The following CFAP46 variants were observed in gnomAD, a reference collection of about 807,000 sequenced individuals.
The protein encoded by CFAP46 is cilia and flagella associated protein 46, also known as cilia- and flagella-associated protein 46.
A neutral mutation model predicts 325.7 loss-of-function variants in CFAP46; 245 were observed. That is an observed-to-expected ratio of 0.75 (90% CI 0.68 to 0.84). The LOEUF (loss-of-function observed/expected upper bound fraction) is 0.84, where lower values mean the gene tolerates loss of function less well. Among genes scored for constraint, CFAP46 ranks in the 40% least tolerant of loss-of-function variants. The pLI is 0.00. For missense variants in CFAP46, 3,346 were observed against 3,543.0 expected (o/e 0.94, Z 1.41); for synonymous variants, 1,523 against 1,495.9 (o/e 1.02, Z -0.42).
In CFAP46 at chr10:132,869,545, A is replaced by T. The variant is rs887750982; in HGVS notation, c.4512-173T>A. Reference sequence around the variant, plus strand: ...AAATTACTAGGGAAAAGTGCCCGGTAGCTCCATCAAATTTCAAGTGGGATT... The same window carrying T: ...AAATTACTAGGGAAAAGTGCCCGGTTGCTCCATCAAATTTCAAGTGGGATT... On this transcript the variant is annotated intron_variant, in intron 32 of 57. Transcript: ENST00000368586. This position sits in a 1 kb window ranked among gnomAD's most constrained non-coding sequence, Gnocchi z 6.2. 6.6e-6 allele frequency among the ~76,000 whole-genome samples: 1 copy of T among 152,216 alleles called. No individual in the cohort carries two copies. The highest frequency in any genetic ancestry group is 2.4e-5 in the African/African-American group (1 of 41,462).
chr10:132,818,887 A>G (rs1847745296), intron 50 of CFAP46, among the ~76,000 whole-genome samples: 1 of 151,948 alleles, frequency 6.6e-6, no homozygotes, highest in South Asian at 2.1e-4. Context: ...AAGAAAGAAC[A>G]GGCACACACA....
At position 132,899,076 on chromosome 10, in the gene CFAP46, C is replaced by A; in HGVS notation, c.3102G>T (p.Ala1034=). ...AGSSALVMLA[A]RHYWNAWLPL... is the part of the protein sequence containing the mutation. ...GGAGCCAGGCGTTCCAGTAATGCCG[C>A]GCGGCCAGCATCACCAGGGCGCTGC... The change falls in exon 24 of 58, where the codon GCG becomes GCT. Residue 1034 remains alanine, a synonymous_variant. Coordinates refer to ENST00000368586, the MANE Select transcript of CFAP46 (RefSeq NM_001200049.3). 1 of 1,550,448 alleles carries A rather than the reference C, an allele frequency of 6.4e-7. No homozygotes were observed. Among genetic ancestry groups the A allele is most frequent in the Non-Finnish European group, 8.7e-7 (1 of 1,146,966 alleles).
At chr10:132,872,216 A>T (rs1848903492) in intron 32 of CFAP46, among the ~76,000 whole-genome samples, 1 of 152,212 alleles carries the variant, frequency 6.6e-6, no homozygotes, top group Non-Finnish European at 1.5e-5. Flanking sequence ...TATTCTCCTA[A>T]GGATCAGGTA....
At chr10:132,816,809 A>G (rs946269997) in intron 50 of CFAP46, among the ~76,000 whole-genome samples, 1 of 152,140 alleles carries the variant, frequency 6.6e-6, no homozygotes, top group Admixed American at 6.5e-5. Flanking sequence ...TTTAGAAGTG[A>G]GCTGTTGAAT....
intron 15 of CFAP46, 137 bp from the exon 16 acceptor site, chr10:132,918,657 CGGGAGGT>C (rs1248408928): frequency 1.7e-6 from 2 of 1,188,754 alleles, no homozygotes; most frequent in African/African-American, 3.1e-5. Flanking sequence ...GGCGGGTAGG[CGGGAGGT>C]GGGCAGCTTG....
chr10:132,918,493 G>A lies in CFAP46; in HGVS notation c.1886C>T (p.Ser629Leu), dbSNP rs1049269791. The part of the protein sequence containing the change: ...RGKKKRGRDG[S>L]VQDTWSQPEV... ...AGGCTGGCTCCAGGTGTCCTGCACC[G>A]AGCCGTCCCTACCTCGCTTCTTCTT... is the stretch of plus-strand genomic sequence containing the variant. Residue 629 changes from serine (S) to leucine (L), a missense_variant, in exon 16 of 58, where the codon TCG (serine) becomes TTG (leucine). By Grantham distance (145) the Ser-to-Leu change is moderately radical. Coordinates refer to ENST00000368586, the MANE Select transcript of CFAP46 (RefSeq NM_001200049.3). 18 of 1,533,728 alleles carry A rather than the reference G, an allele frequency of 1.2e-5. No individual in the cohort carries two copies. Among genetic ancestry groups the A allele is most frequent in the Middle Eastern group, 1.7e-4 (1 of 5,966 alleles).
At chr10:132,894,227 A>T (rs1293997158) in intron 24 of CFAP46, among the ~76,000 whole-genome samples, 1 of 152,274 alleles carries the variant, frequency 6.6e-6, no homozygotes, top group East Asian at 1.9e-4. Flanking sequence ...AAGTCACAAA[A>T]AGTCTGCAAC....
At position 132,827,034 on chromosome 10, in the gene CFAP46, C is replaced by A. The variant is rs1419747569; in HGVS notation, c.7117+6324G>T. ...CCATGGTGCACTTCACTATCAAAAA[C>A]GGTTTCCGACACCTCCATGAGCCTC... is the stretch of plus-strand genomic sequence containing the variant. On this transcript the variant is annotated intron_variant, in intron 50 of 57. Transcript: ENST00000368586. This position sits in a 1 kb window ranked among gnomAD's most constrained non-coding sequence, Gnocchi z 5.7. Among the ~76,000 whole-genome samples the A allele has an allele frequency of 6.6e-6, 1 of 152,138 alleles. No homozygotes were observed. Among genetic ancestry groups the A allele is most frequent in the African/African-American group, 2.4e-5 (1 of 41,418 alleles).
At chr10:132,937,220 T>G in intron 6 of CFAP46, 165 bp from the exon 7 acceptor site, 1 of 522,260 alleles carries the variant, frequency 1.9e-6, no homozygotes, top group Non-Finnish European at 3.3e-6. Context: ...GAATGAATGC[T>G]TTTGGTACAT....
chr10:132,906,188 G>A (rs1225879381), intron 22 of CFAP46, among the ~76,000 whole-genome samples: 2 of 152,252 alleles, frequency 1.3e-5, no homozygotes, highest in South Asian at 2.1e-4. Flanking sequence ...CCTTGTGAAC[G>A]TGGGGCACCA....
chr10:132,900,350 C>T (rs957869597), intron 22 of CFAP46, among the ~76,000 whole-genome samples: 2 of 152,358 alleles, frequency 1.3e-5, no homozygotes, highest in East Asian at 1.9e-4. Flanking sequence ...CCTGGACGTT[C>T]GCTGCTCCAG....
At chr10:132,891,481 T>C (rs562884906) in intron 25 of CFAP46, among the ~76,000 whole-genome samples, 5 of 152,216 alleles carry the variant, frequency 3.3e-5, no homozygotes, top group Non-Finnish European at 5.9e-5. Context: ...GACTCTAGCA[T>C]AGCATCGCAT....
intron 1 of CFAP46, 123 bp from the exon 2 acceptor site, chr10:132,942,227 C>A: frequency 7.5e-7 from 1 of 1,341,334 alleles, no homozygotes; most frequent in Non-Finnish European, 1.0e-6. Context: ...ACCGTCAGAA[C>A]CTGTCGCCGC....
chr10:132,835,414 G>C lies in CFAP46; in HGVS notation c.6634C>G (p.Leu2212Val). The stretch of plus-strand genomic sequence containing the variant: ...GAGAAGGCAGTGGGACTTATGGCCA[G>C]ACGCATCACCTTGCAGGAGCCTGTG... ...AVGGSCKVMR[L>V]AISPTAFSHL... The change falls in exon 47 of 58, where the codon CTG becomes GTG. Residue 2212 changes from leucine (L) to valine (V), a missense_variant. Coordinates refer to ENST00000368586, the MANE Select transcript of CFAP46 (RefSeq NM_001200049.3). The C allele has an allele frequency of 6.2e-7, 1 of 1,613,554 alleles. No homozygotes were observed. The highest frequency in any genetic ancestry group is 1.1e-5 in the South Asian group (1 of 91,080).
In CFAP46 at chr10:132,847,609, G is replaced by A. The variant is rs543947616; in HGVS notation, c.5953-288C>T. 2.0e-5 allele frequency among the ~76,000 whole-genome samples: 3 copies of A among 152,118 alleles called. No homozygotes were observed. The highest frequency in any genetic ancestry group is 4.8e-5 in the African/African-American group (2 of 41,500). ...CCCTGAGGAAGCCGGCCTGAGTCAC[G>A]TGGGCCTGGAATCCAACACATTCCC... On this transcript the variant is annotated intron_variant, in intron 41 of 57. Coordinates refer to ENST00000368586, the MANE Select transcript of CFAP46 (RefSeq NM_001200049.3). This position sits in a 1 kb window ranked among gnomAD's most constrained non-coding sequence, Gnocchi z 5.2.
At chr10:132,891,307 G>A (rs544759077) in intron 25 of CFAP46, among the ~76,000 whole-genome samples, 7 of 152,288 alleles carry the variant, frequency 4.6e-5, no homozygotes, top group Non-Finnish European at 8.8e-5. Flanking sequence ...CCTGAAAAAC[G>A]AGTTTGGTGG....
chr10:132,929,576 T>C (rs1849860378), intron 9 of CFAP46, 129 bp downstream of exon 9: 1 of 877,450 alleles, frequency 1.1e-6, no homozygotes, highest in Non-Finnish European at 2.0e-6. Flanking sequence ...AAGACGGCAA[T>C]GTGCCAACCA....
chr10:132,896,528 AC>A (rs1440734900), intron 24 of CFAP46, among the ~76,000 whole-genome samples: 2 of 152,236 alleles, frequency 1.3e-5, no homozygotes, highest in Non-Finnish European at 2.9e-5. Context: ...AATAAATCTA[AC>A]CAAAGAGGTG....
At chr10:132,885,756 C>T (rs61862354) in intron 26 of CFAP46, 65 bp downstream of exon 26, 50,249 of 1,186,280 alleles carry the variant, frequency 0.042, 3,525 homozygotes, top group African/African-American at 0.35. Context: ...GGAGCACTCA[C>T]AGGCGGTGGG....
Sources: gnomAD v4.1 joint callset for allele counts (sites outside exome capture counted in the v4.1 genomes callset) on GRCh38, gnomAD v4.1.1 for gene constraint, Gnocchi (gnomAD v3.1) non-coding constraint, MANE v1.5 for transcripts, NCBI Gene and HGNC (gene_info 2026-07-23, HGNC 2026-07-21) for gene names.